The following PTPRD variants were observed in gnomAD, a reference collection of about 807,000 sequenced individuals.
The protein encoded by PTPRD is protein tyrosine phosphatase receptor type D.
A neutral mutation model predicts 214.5 loss-of-function variants in PTPRD; 34 were observed. The observed-to-expected ratio is 0.16, with a 90% CI of 0.12 to 0.21. PTPRD has a LOEUF of 0.21. Among genes scored for constraint, PTPRD ranks in the 10% least tolerant of loss-of-function variants. The pLI, the probability that PTPRD is intolerant of heterozygous loss-of-function variation, is 1.00. For synonymous variants in PTPRD, 1,128 were observed against 845.7 expected (o/e 1.33, Z -5.79); for missense variants, 2,545 against 2,398.7 (o/e 1.06, Z -1.27).
intron 3 of PTPRD, among the ~76,000 whole-genome samples, chr9:10,058,129 C>T (rs2097693269): frequency 6.6e-6 from 1 of 152,048 alleles, no homozygotes; most frequent in Non-Finnish European, 1.5e-5. Flanking sequence ...CCTTTCTCTC[C>T]TGTGAAGGTA....
chr9:8,397,532 A>G (rs941532739), intron 36 of PTPRD, among the ~76,000 whole-genome samples: 5 of 152,186 alleles, frequency 3.3e-5, no homozygotes, highest in Non-Finnish European at 7.3e-5. Flanking sequence ...AAAAAAGAAA[A>G]GAAAAAGATA....
intron 11 of PTPRD, among the ~76,000 whole-genome samples, chr9:8,737,241 T>C (rs1223750862): frequency 6.6e-6 from 1 of 152,202 alleles, no homozygotes; most frequent in Non-Finnish European, 1.5e-5. Context: ...TAAACATACA[T>C]ATTTATCCTT....
chr9:9,335,370 T>C lies in PTPRD; in HGVS notation c.-203+62079A>G, dbSNP rs1050100644. On this transcript the variant is annotated intron_variant, in intron 9 of 45. Coordinates refer to ENST00000381196, the MANE Select transcript of PTPRD (RefSeq NM_002839.4). The stretch of plus-strand genomic sequence containing the variant: ...ACTAGATTTAGAGTGAAGAACAAGA[T>C]TGAAGGCAATTTTTGAACTTATCAT... Among the ~76,000 whole-genome samples, 6 of 152,064 alleles carry C rather than the reference T, an allele frequency of 3.9e-5. No individual in the cohort carries two copies. In the South Asian group the frequency reaches 8.3e-4, roughly 21 times the overall value.
At chr9:9,275,768 C>T (rs899366439) in intron 9 of PTPRD, among the ~76,000 whole-genome samples, 5 of 151,216 alleles carry the variant, frequency 3.3e-5, no homozygotes, top group Non-Finnish European at 7.4e-5. Context: ...ACTCATTACT[C>T]ACCTCCCTCC....
chr9:10,310,018 C>T (rs1207785081), intron 3 of PTPRD, among the ~76,000 whole-genome samples: 3 of 151,994 alleles, frequency 2.0e-5, no homozygotes, highest in East Asian at 3.9e-4. Context: ...AACTGGAGAT[C>T]CCCTGAGGTA....
At chr9:9,321,601 A>T (rs934938187) in intron 9 of PTPRD, among the ~76,000 whole-genome samples, 1 of 151,960 alleles carries the variant, frequency 6.6e-6, no homozygotes, top group South Asian at 2.1e-4. Context: ...ATGTATGCAT[A>T]TCTGATTTTT....
chr9:9,285,625 T>A (rs1252479287), intron 9 of PTPRD, among the ~76,000 whole-genome samples: 1 of 151,456 alleles, frequency 6.6e-6, no homozygotes, highest in Non-Finnish European at 1.5e-5. Context: ...CTGTTGACCA[T>A]TTTTTTAATT....
chr9:8,502,311 A>G (rs1332388888), intron 23 of PTPRD, among the ~76,000 whole-genome samples: 1 of 152,166 alleles, frequency 6.6e-6, no homozygotes, highest in African/African-American at 2.4e-5. Flanking sequence ...TGTATATGGT[A>G]GACTGAATAA....
chr9:10,338,860 T>C (rs1304535227), intron 3 of PTPRD, among the ~76,000 whole-genome samples: 3 of 151,546 alleles, frequency 2.0e-5, no homozygotes, highest in Admixed American at 1.3e-4. Flanking sequence ...TTAGCAGATA[T>C]ATAGCTTATA....
intron 8 of PTPRD, among the ~76,000 whole-genome samples, chr9:9,421,368 T>A (rs1265636731): frequency 6.6e-6 from 1 of 151,824 alleles, no homozygotes; most frequent in Non-Finnish European, 1.5e-5. Flanking sequence ...AATATATAAT[T>A]CCAAATTATT....
At chr9:10,179,528 T>G (rs2099269499) in intron 3 of PTPRD, among the ~76,000 whole-genome samples, 1 of 152,034 alleles carries the variant, frequency 6.6e-6, no homozygotes, top group Non-Finnish European at 1.5e-5. Context: ...ATATATTGCT[T>G]GGAAATAAGA....
chr9:10,454,315 T>C (rs2098886814), intron 2 of PTPRD, among the ~76,000 whole-genome samples: 1 of 151,618 alleles, frequency 6.6e-6, no homozygotes, highest in Non-Finnish European at 1.5e-5. Context: ...CCTAAATCCT[T>C]ATACTGCTGA....
At chr9:9,395,823 CATA>C (rs2067578461) in intron 9 of PTPRD, among the ~76,000 whole-genome samples, 1 of 152,154 alleles carries the variant, frequency 6.6e-6, no homozygotes, top group East Asian at 1.9e-4. Flanking sequence ...TACTTTCAAG[CATA>C]ATAATGACGA....
At chr9:8,532,906 G>C (rs148068566) in intron 14 of PTPRD, among the ~76,000 whole-genome samples, 9 of 152,132 alleles carry the variant, frequency 5.9e-5, no homozygotes, top group Admixed American at 5.2e-4. Flanking sequence ...ATTAAGGAAA[G>C]AGAAAAATGA....
intron 9 of PTPRD, among the ~76,000 whole-genome samples, chr9:9,285,429 A>C (rs1949051593): frequency 6.6e-6 from 1 of 151,678 alleles, no homozygotes; most frequent in Non-Finnish European, 1.5e-5. Flanking sequence ...ACTATCACTC[A>C]ATATTTCTTC....
chr9:8,932,713 C>T (rs7048114), intron 11 of PTPRD, among the ~76,000 whole-genome samples: 18,126 of 152,088 alleles, frequency 0.12, 1,603 homozygotes, highest in East Asian at 0.44. Context: ...AAGGTGGACC[C>T]CCCCTCCCCA....
chr9:10,342,656 G>C (rs1005227737), intron 2 of PTPRD, among the ~76,000 whole-genome samples: 1 of 151,878 alleles, frequency 6.6e-6, no homozygotes, highest in East Asian at 1.9e-4. Flanking sequence ...TTAATTTTCC[G>C]CACCTTCTAT....
intron 10 of PTPRD, among the ~76,000 whole-genome samples, chr9:9,027,009 A>G (rs1025184149): frequency 4.6e-5 from 7 of 151,232 alleles, no homozygotes; most frequent in Admixed American, 2.0e-4. Flanking sequence ...TCTTTCTCCC[A>G]GTTATGGCTT....
intron 8 of PTPRD, among the ~76,000 whole-genome samples, chr9:9,563,757 A>G (rs1469048250): frequency 6.6e-6 from 1 of 152,186 alleles, no homozygotes; most frequent in Non-Finnish European, 1.5e-5. Context: ...GAAAGAGATC[A>G]TTAATACATT....
Sources: gnomAD v4.1 joint callset for allele counts (sites outside exome capture counted in the v4.1 genomes callset) on GRCh38, gnomAD v4.1.1 for gene constraint, MANE v1.5 for transcripts, NCBI Gene and HGNC (gene_info 2026-07-23, HGNC 2026-07-21) for gene names.